PTPN11: variants seen among roughly 807,000 people sequenced by gnomAD.
PTPN11 encodes tyrosine-protein phosphatase non-receptor type 11.
PTPN11 carries 6 observed loss-of-function variants against 78.8 expected under a neutral mutation model. That is an observed-to-expected ratio of 0.08 (90% CI 0.04 to 0.15). The LOEUF is 0.15. Ranked by LOEUF, PTPN11 falls within the 10% of genes least tolerant of loss-of-function variation. PTPN11 has a pLI of 1.00. For missense variants in PTPN11, 386 were observed against 744.8 expected, an observed-to-expected ratio of 0.52 and a Z score of 5.61; for synonymous variants, 221 against 263.5, an observed-to-expected ratio of 0.84 and a Z score of 1.56.
At chr12:112,424,707 G>A (rs1201432892) in intron 1 of PTPN11, among the ~76,000 whole-genome samples, 1 of 151,988 alleles carries the variant, frequency 6.6e-6, no homozygotes, top group Admixed American at 6.6e-5. Context: ...AGGATAAAAA[G>A]CTGCTTTAAC....
At chr12:112,483,034 A>G (rs1178817399) in intron 10 of PTPN11, among the ~76,000 whole-genome samples, 2 of 152,152 alleles carry the variant, frequency 1.3e-5, no homozygotes, top group Admixed American at 1.3e-4. Flanking sequence ...GGGGAACAAA[A>G]CAGATGGAAT....
At chr12:112,493,087 C>A (rs1475322137) in intron 13 of PTPN11, among the ~76,000 whole-genome samples, 2 of 148,950 alleles carry the variant, frequency 1.3e-5, no homozygotes, top group African/African-American at 5.0e-5. Context: ...GAGACAGAGT[C>A]TTGGTTTGTC....
chr12:112,445,177 G>C (rs917151717), intron 1 of PTPN11, among the ~76,000 whole-genome samples: 3 of 152,012 alleles, frequency 2.0e-5, no homozygotes, highest in African/African-American at 7.3e-5. Flanking sequence ...TGTCGCCCAG[G>C]CTGGAGTACA....
At position 112,473,607 on chromosome 12, in the gene PTPN11, G is replaced by A. The variant is rs750032035; in HGVS notation, c.853+567G>A. ...CACACCTGTAATCCCAGCACTTTCG[G>A]AGGCCGAGGCAAGCGGATCACCTCT... On this transcript the variant is annotated intron_variant, in intron 7 of 15. Transcript: ENST00000351677. 2.6e-5 allele frequency among the ~76,000 whole-genome samples: 4 copies of A among 151,968 alleles called. No homozygotes were observed. The South Asian group carries it at 6.2e-4, about 24-fold the overall frequency.
At chr12:112,495,370 C>T (rs774671214) in intron 13 of PTPN11, among the ~76,000 whole-genome samples, 9 of 152,242 alleles carry the variant, frequency 5.9e-5, no homozygotes, top group South Asian at 2.1e-4. Flanking sequence ...GTACTCTTGA[C>T]GATTTTTAAG....
At chr12:112,496,566 A>G (rs890272557) in intron 13 of PTPN11, among the ~76,000 whole-genome samples, 5 of 152,314 alleles carry the variant, frequency 3.3e-5, no homozygotes, top group African/African-American at 1.2e-4. Flanking sequence ...TAAGCTAAAC[A>G]TGAATTCATA....
chr12:112,489,067 G>A lies in PTPN11; in HGVS notation c.1491G>A (p.Val497=). The change falls in exon 13 of 16, where the codon GTG becomes GTA. Residue 497 remains valine, a synonymous_variant. Transcript: ENST00000351677. The part of the protein sequence containing the change: ...DIDVPKTIQM[V]RSQRSGMVQT... ...ACGTTCCCAAAACCATCCAGATGGT[G>A]CGGTCTCAGAGGTCAGGGATGGTCC... 1.2e-6 allele frequency: 2 copies of A among 1,614,124 alleles called. No homozygotes were observed. Among genetic ancestry groups the A allele is most frequent in the South Asian group, 1.1e-5 (1 of 91,084 alleles).
At chr12:112,486,656 C>T (rs769318873) in intron 11 of PTPN11, 27 bp downstream of exon 11, 36 of 1,611,058 alleles carry the variant, frequency 2.2e-5, no homozygotes, top group Non-Finnish European at 2.7e-5. Context: ...CCCCTCTAGG[C>T]CACAGCCTGT....
At chr12:112,494,080 C>T (rs932060077) in intron 13 of PTPN11, among the ~76,000 whole-genome samples, 1 of 152,106 alleles carries the variant, frequency 6.6e-6, no homozygotes. Flanking sequence ...TGGTGAAACC[C>T]CATCTCTACC....
intron 1 of PTPN11, among the ~76,000 whole-genome samples, chr12:112,428,326 G>A (rs1274462281): frequency 1.4e-5 from 2 of 147,128 alleles, no homozygotes; most frequent in Admixed American, 6.8e-5. Flanking sequence ...TGTTGGTTCA[G>A]TTTTTAAACT....
intron 13 of PTPN11, among the ~76,000 whole-genome samples, chr12:112,493,440 A>C (rs2038778754): frequency 6.9e-6 from 1 of 144,986 alleles, no homozygotes; most frequent in Admixed American, 7.1e-5. Flanking sequence ...GCTGGAGTGC[A>C]GTGGCATGAT....
chr12:112,491,781 G>A (rs922606151), intron 13 of PTPN11, among the ~76,000 whole-genome samples: 7 of 151,914 alleles, frequency 4.6e-5, no homozygotes, highest in Non-Finnish European at 8.8e-5. Context: ...TATGGCTCAC[G>A]GCAGCCTTGA....
intron 3 of PTPN11, among the ~76,000 whole-genome samples, chr12:112,451,065 A>G (rs1189031139): frequency 6.6e-6 from 1 of 152,186 alleles, no homozygotes; most frequent in Non-Finnish European, 1.5e-5. Flanking sequence ...CTGTGTTGGA[A>G]CTAGGCTGAT....
intron 6 of PTPN11, among the ~76,000 whole-genome samples, chr12:112,465,157 C>T (rs900048394): frequency 6.6e-6 from 1 of 152,044 alleles, no homozygotes; most frequent in African/African-American, 2.4e-5. Flanking sequence ...TTGGGCCGGG[C>T]GTGGTGGCTC....
At chr12:112,497,158 C>A (rs947973575) in intron 13 of PTPN11, among the ~76,000 whole-genome samples, 2 of 134,200 alleles carry the variant, frequency 1.5e-5, no homozygotes, top group Admixed American at 8.5e-5. Flanking sequence ...GGCGACAGAG[C>A]GAGACTCTGT....
intron 3 of PTPN11, among the ~76,000 whole-genome samples, chr12:112,452,493 T>C (rs2038093214): frequency 6.6e-6 from 1 of 152,142 alleles, no homozygotes; most frequent in Non-Finnish European, 1.5e-5. Flanking sequence ...CCCAAAGTGT[T>C]GGGATTACAG....
chr12:112,446,128 A>G (rs2037990535), intron 1 of PTPN11, 148 bp from the exon 2 acceptor site: 2 of 966,938 alleles, frequency 2.1e-6, no homozygotes, highest in African/African-American at 1.6e-5. Flanking sequence ...TTGACCAAGG[A>G]GAAGAGGGGG....
chr12:112,452,835 T>C (rs1173378714), intron 3 of PTPN11, among the ~76,000 whole-genome samples: 1 of 152,236 alleles, frequency 6.6e-6, no homozygotes, highest in Non-Finnish European at 1.5e-5. Context: ...GGCCTGTAAC[T>C]TCTTTAAATG....
chr12:112,484,738 A>G (rs191535463), intron 10 of PTPN11, among the ~76,000 whole-genome samples: 2 of 152,072 alleles, frequency 1.3e-5, no homozygotes, highest in African/African-American at 4.8e-5. Flanking sequence ...AATGGGAGAA[A>G]GGGCTGGGCG....
Sources: allele counts gnomAD v4.1 joint callset (sites outside exome capture counted in the v4.1 genomes callset), GRCh38; gene constraint gnomAD v4.1.1; transcripts MANE v1.5; gene names NCBI Gene and HGNC (gene_info 2026-07-23, HGNC 2026-07-21).